The following CALD1 variants were observed in gnomAD, a reference collection of about 807,000 sequenced individuals.
CALD1 encodes the protein caldesmon 1.
Under a neutral mutation model 99.9 loss-of-function variants are expected in CALD1, and 33 were observed. The observed-to-expected ratio is 0.33, with a 90% CI of 0.25 to 0.44. The LOEUF is 0.44. CALD1 is among the 20% of genes least tolerant of loss of function. The pLI is 1.00. For missense variants in CALD1, 861 were observed against 962.1 expected (o/e 0.89, Z 1.39); for synonymous variants, 310 against 325.0 (o/e 0.95, Z 0.50).
At chr7:134,887,874 GTA>G (rs1397607570) in intron 3 of CALD1, among the ~76,000 whole-genome samples, 1 of 151,718 alleles carries the variant, frequency 6.6e-6, no homozygotes, top group Non-Finnish European at 1.5e-5. Flanking sequence ...ATGTGTGTCT[GTA>G]TGTGTGTGTA....
At chr7:134,862,585 A>G (rs561830483) in intron 2 of CALD1, among the ~76,000 whole-genome samples, 2 of 152,274 alleles carry the variant, frequency 1.3e-5, no homozygotes, top group African/African-American at 4.8e-5. Flanking sequence ...GAAGGGATAA[A>G]TGAGTGGAGC....
chr7:134,897,500 G>A (rs949078196), intron 3 of CALD1, among the ~76,000 whole-genome samples: 1 of 151,790 alleles, frequency 6.6e-6, no homozygotes, highest in African/African-American at 2.4e-5. Context: ...TAAAACGCTG[G>A]TCATCCACTA....
At chr7:134,870,330 G>A (rs1801008430) in intron 3 of CALD1, among the ~76,000 whole-genome samples, 1 of 152,188 alleles carries the variant, frequency 6.6e-6, no homozygotes, top group South Asian at 2.1e-4. Flanking sequence ...CTTTCCACGT[G>A]AACAGGGGGT....
At chr7:134,920,866 T>C (rs1156345139) in intron 3 of CALD1, 1 of 392,848 alleles carries the variant, frequency 2.5e-6, no homozygotes, top group African/African-American at 2.1e-5. Context: ...AAAACAGACT[T>C]GGAAACTTTG....
intron 2 of CALD1, among the ~76,000 whole-genome samples, chr7:134,855,180 A>C (rs562559758): frequency 1.3e-5 from 2 of 152,228 alleles, no homozygotes; most frequent in Non-Finnish European, 2.9e-5. Flanking sequence ...GAGCAGACTA[A>C]TGCACAGTGC....
chr7:134,791,654 G>C (rs1016132944), intron 1 of CALD1, among the ~76,000 whole-genome samples: 2 of 148,862 alleles, frequency 1.3e-5, no homozygotes, highest in Non-Finnish European at 3.0e-5. Flanking sequence ...AGTGTCCCCA[G>C]GGAAATGAAA....
intron 3 of CALD1, among the ~76,000 whole-genome samples, chr7:134,882,863 G>A (rs370599047): frequency 6.6e-6 from 1 of 152,156 alleles, no homozygotes. Context: ...AAAGAAGAAA[G>A]TAATACATTA....
chr7:134,751,259 C>G (rs1470767829), intron 1 of CALD1, among the ~76,000 whole-genome samples: 1 of 152,182 alleles, frequency 6.6e-6, no homozygotes, highest in Non-Finnish European at 1.5e-5. Flanking sequence ...AAGAGATATA[C>G]AGTCACTAAG....
chr7:134,711,680 ATGTGTGTGTGTGTGTGTGTGTGTGTG>A, the CALD1 span, among the ~76,000 whole-genome samples: 2 of 109,588 alleles, frequency 1.8e-5, no homozygotes, highest in African/African-American at 3.9e-5. Flanking sequence ...ATATATATAT[ATGTGTGTGTGTGTGTGTGTGTGTGTG>A]TGTGTGTGTG....
At chr7:134,880,155 A>ATTT (rs1216340005) in intron 3 of CALD1, among the ~76,000 whole-genome samples, 1 of 151,896 alleles carries the variant, frequency 6.6e-6, no homozygotes, top group Non-Finnish European at 1.5e-5. Context: ...TGTGCTTTTT[A>ATTT]TTTTTCTAAG....
intron 9 of CALD1, among the ~76,000 whole-genome samples, chr7:134,953,849 C>T (rs780607952): frequency 1.3e-5 from 2 of 152,040 alleles, no homozygotes; most frequent in Non-Finnish European, 2.9e-5. Flanking sequence ...AGGCATTTGT[C>T]TGCAATTGAT....
intron 1 of CALD1, among the ~76,000 whole-genome samples, chr7:134,750,818 C>T (rs1796679801): frequency 6.6e-6 from 1 of 151,970 alleles, no homozygotes; most frequent in Non-Finnish European, 1.5e-5. Context: ...GTGGCCTATA[C>T]CAAAGTTCCA....
chr7:134,933,771 A>C lies in CALD1; in HGVS notation c.1002A>C (p.Glu334Asp). ...AGGAGAGGCAGAGGATAAAGGAGGAAGAGAAAAGGGCAGCAGAGGAGAGGC... is the reference window on the plus strand; with the variant it reads ...AGGAGAGGCAGAGGATAAAGGAGGACGAGAAAAGGGCAGCAGAGGAGAGGC... ...AAEERQRIKE[E>D]EKRAAEERQR... is the part of the protein sequence containing the mutation. The change falls in exon 5 of 15, where the codon GAA becomes GAC. Residue 334 changes from glutamate to aspartate, a missense_variant. Around this residue, in one of 5 missense-constraint regions of CALD1, gnomAD observed 21 missense variants for 47.5 expected, o/e 0.44. Transcript: ENST00000361675. The C allele has an allele frequency of 6.4e-7, 1 of 1,552,180 alleles. No homozygotes were observed. The highest frequency in any genetic ancestry group is 8.7e-7 in the Non-Finnish European group (1 of 1,147,512).
intron 3 of CALD1, among the ~76,000 whole-genome samples, chr7:134,899,633 TTTTTTG>T (rs199657898): frequency 0.52 from 78,422 of 149,960 alleles, 20,634 homozygotes; most frequent in East Asian, 0.63. Context: ...TTGATCTTTC[TTTTTTG>T]TTTTTGTTTT....
intron 1 of CALD1, among the ~76,000 whole-genome samples, chr7:134,790,081 AG>A (rs1491113378): frequency 1.6e-5 from 2 of 124,640 alleles, no homozygotes; most frequent in East Asian, 3.2e-4. Context: ...AAAAGAAATA[AG>A]GAGAGAGAGA....
chr7:134,854,983 C>T (rs930473777), intron 2 of CALD1, among the ~76,000 whole-genome samples: 2 of 152,158 alleles, frequency 1.3e-5, no homozygotes, highest in African/African-American at 4.8e-5. Flanking sequence ...AGCACCTCCC[C>T]CACTCTTTCT....
At chr7:134,723,534 CTTTTTTTTTTT>C in the CALD1 span, among the ~76,000 whole-genome samples, 170 of 87,698 alleles carry the variant, frequency 1.9e-3, no homozygotes, top group South Asian at 3.8e-3. Flanking sequence ...GAAAAGGTAA[CTTTTTTTTTTT>C]TTTTTTTTTT....
the CALD1 span, among the ~76,000 whole-genome samples, chr7:134,737,702 T>A: frequency 2.6e-5 from 4 of 152,198 alleles, no homozygotes; most frequent in East Asian, 7.7e-4. Flanking sequence ...ATGGATTATT[T>A]CCTCCAGTGT....
At chr7:134,961,207 T>A (rs1330715368) in intron 13 of CALD1, 2 of 152,226 alleles carry the variant, frequency 1.3e-5, no homozygotes, top group African/African-American at 4.8e-5. Context: ...TTTTTGAGAA[T>A]CTAAAATTTT....
Sources: gnomAD v4.1 joint callset for allele counts (sites outside exome capture counted in the v4.1 genomes callset) on GRCh38, gnomAD v4.1.1 for gene constraint, gnomAD v4.1.1 regional missense constraint, MANE v1.5 for transcripts, NCBI Gene and HGNC (gene_info 2026-07-23, HGNC 2026-07-21) for gene names.